Variants in DLC1 observed in about 807,000 individuals in gnomAD.
The protein encoded by DLC1 is rho GTPase-activating protein 7.
Under a neutral mutation model 140.3 loss-of-function variants are expected in DLC1, and 54 were observed. The observed-to-expected ratio is 0.38, with a 90% confidence interval of 0.31 to 0.48. The LOEUF is 0.48. Ranked by LOEUF, DLC1 falls within the 20% of genes least tolerant of loss-of-function variation. The probability of loss-of-function intolerance (pLI) is 0.96; values close to 1 mark genes in which losing one functional copy is unlikely to be tolerated. For missense variants in DLC1, 2,536 were observed against 1,907.0 expected (o/e 1.33, Z -6.14); for synonymous variants, 986 against 728.1 (o/e 1.35, Z -5.70).
At chr8:13,555,586 G>A (rs772669111) in intron 1 of DLC1, among the ~76,000 whole-genome samples, 1 of 152,030 alleles carries the variant, frequency 6.6e-6, no homozygotes, top group Non-Finnish European at 1.5e-5. Flanking sequence ...CCTCCTCCTG[G>A]GTACAAGCGA....
Position 13,255,615 on chromosome 8 carries a change from G to T in DLC1, c.1348+49654C>A, listed in dbSNP as rs562145034. On this transcript the variant is annotated intron_variant, in intron 5 of 17. Coordinates refer to ENST00000276297, the MANE Select transcript of DLC1 (RefSeq NM_182643.3). ...AGCCAAGCAAGATGACTCTGGATTT[G>T]TTGACCTTGCATGGCCAGCTTTCAC... Among the ~76,000 whole-genome samples, 74 of 152,270 alleles carry T rather than the reference G, an allele frequency of 4.9e-4. 1 individual carries two copies. In the South Asian group the frequency reaches 0.015, roughly 30 times the overall value.
chr8:13,126,714 T>C (rs1481233911), intron 5 of DLC1, among the ~76,000 whole-genome samples: 3 of 152,210 alleles, frequency 2.0e-5, no homozygotes, highest in African/African-American at 4.8e-5. Flanking sequence ...TATTAAAAGT[T>C]GGCATACAAA....
intron 2 of DLC1, among the ~76,000 whole-genome samples, chr8:13,460,966 G>A (rs1310256230): frequency 1.3e-5 from 2 of 152,176 alleles, no homozygotes; most frequent in Non-Finnish European, 1.5e-5. Flanking sequence ...TAATCCCAGC[G>A]TTTTGGGAGG....
chr8:13,513,109 A>G (rs1001389918), intron 1 of DLC1, among the ~76,000 whole-genome samples: 1 of 152,078 alleles, frequency 6.6e-6, no homozygotes, highest in Non-Finnish European at 1.5e-5. Flanking sequence ...TGAATTATGA[A>G]TCAGGGCACT....
intron 1 of DLC1, among the ~76,000 whole-genome samples, chr8:13,501,631 T>C (rs1331750512): frequency 1.3e-5 from 2 of 152,206 alleles, no homozygotes; most frequent in East Asian, 3.8e-4. Flanking sequence ...GAGGTAAATA[T>C]TTCCAGTCTG....
intron 5 of DLC1, among the ~76,000 whole-genome samples, chr8:13,158,739 CCCCCCCCCG>C (rs1824445829): frequency 1.5e-5 from 1 of 65,762 alleles, no homozygotes; most frequent in Admixed American, 1.4e-4. Context: ...ACCCTCCCCC[CCCCCCCCCG>C]CCCGCCACAC....
intron 1 of DLC1, chr8:13,567,155 T>C (rs1180345956): frequency 1.3e-6 from 2 of 1,551,518 alleles, no homozygotes; most frequent in Non-Finnish European, 1.7e-6. Flanking sequence ...GGGAGCAAAC[T>C]GGAGAGGGAA....
At chr8:13,478,923 C>G (rs1355955532) in intron 2 of DLC1, among the ~76,000 whole-genome samples, 1 of 152,212 alleles carries the variant, frequency 6.6e-6, no homozygotes, top group Non-Finnish European at 1.5e-5. Context: ...GCCTGTTGGC[C>G]TCCTGTTATC....
intron 1 of DLC1, chr8:13,567,605 A>G: frequency 6.4e-7 from 1 of 1,551,788 alleles, no homozygotes; most frequent in South Asian, 1.2e-5. Flanking sequence ...TGTAACAGGA[A>G]AAGAGCGGAG....
chr8:13,134,720 G>C (rs886448025), intron 5 of DLC1, among the ~76,000 whole-genome samples: 1 of 152,120 alleles, frequency 6.6e-6, no homozygotes, highest in Admixed American at 6.6e-5. Context: ...GCGCTTTTGG[G>C]AACCGAGGTG....
At chr8:13,144,455 A>G (rs1452937826) in intron 5 of DLC1, among the ~76,000 whole-genome samples, 1 of 152,146 alleles carries the variant, frequency 6.6e-6, no homozygotes, top group Non-Finnish European at 1.5e-5. Context: ...TAATCACGTG[A>G]GACAATTCCC....
chr8:13,444,658 A>G (rs887443657), intron 2 of DLC1, among the ~76,000 whole-genome samples: 35 of 152,216 alleles, frequency 2.3e-4, no homozygotes, highest in Admixed American at 2.0e-4. Flanking sequence ...CTCTTTTCCC[A>G]AATTTATCTT....
chr8:13,487,211 T>C (rs1801008502), intron 2 of DLC1, among the ~76,000 whole-genome samples: 1 of 152,232 alleles, frequency 6.6e-6, no homozygotes. Context: ...AAGCAAAATA[T>C]TGCATTTCCA....
chr8:13,292,135 G>T (rs1343166502), intron 5 of DLC1, among the ~76,000 whole-genome samples: 1 of 151,904 alleles, frequency 6.6e-6, no homozygotes, highest in Non-Finnish European at 1.5e-5. Flanking sequence ...TAAAAAGTTG[G>T]CTTCCATTAT....
Position 13,104,350 on chromosome 8 carries a change from CAA to C in DLC1, c.1503-1499_1503-1498del, listed in dbSNP as rs71304974. On this transcript the variant is annotated intron_variant, in intron 7 of 17. Transcript: ENST00000276297. ...AGTTTCGTTGAAAATAAAATACTTA[CAA>C]AAAAAAAAAAAACCCAAAACCTCAT... 5.2e-3 allele frequency among the ~76,000 whole-genome samples: 626 copies of C among 119,420 alleles called. 7 individuals are homozygous for C. Among genetic ancestry groups the C allele is most frequent in the South Asian group, 0.04 (161 of 4,032 alleles). The allele number at this position is 119,420 out of a possible 152,430, so 78.3% of individuals were successfully genotyped here. A position where few individuals can be genotyped will look rare whatever the true frequency, so the allele number is the denominator to read the frequency against.
intron 2 of DLC1, among the ~76,000 whole-genome samples, chr8:13,471,673 CT>C (rs1800215302): frequency 1.3e-5 from 2 of 151,650 alleles, no homozygotes; most frequent in Admixed American, 6.6e-5. Flanking sequence ...GCTTGTACCC[CT>C]GAACTTAAAA....
chr8:13,300,695 A>C (rs973343446), intron 5 of DLC1, among the ~76,000 whole-genome samples: 3 of 152,198 alleles, frequency 2.0e-5, no homozygotes, highest in African/African-American at 4.8e-5. Context: ...ACTGCGTCTG[A>C]ATAACAAATG....
chr8:13,376,067 A>G (rs17215195), intron 4 of DLC1, among the ~76,000 whole-genome samples: 9,056 of 152,260 alleles, frequency 0.059, 355 homozygotes, highest in South Asian at 0.13. Context: ...AAAAGCACCA[A>G]AAAGAGGAAA....
chr8:13,090,806 TTTC>T (rs1817994953), intron 14 of DLC1, among the ~76,000 whole-genome samples: 5 of 96,960 alleles, frequency 5.2e-5, no homozygotes, highest in Admixed American at 9.1e-5. Context: ...TCTTTCTTTC[TTTC>T]TTTTTTTTTT....
Sources: gnomAD v4.1 joint callset for allele counts (sites outside exome capture counted in the v4.1 genomes callset) on GRCh38, gnomAD v4.1.1 for gene constraint, MANE v1.5 for transcripts, NCBI Gene and HGNC (gene_info 2026-07-23, HGNC 2026-07-21) for gene names.